SUCLG2: variants seen among roughly 807,000 people sequenced by gnomAD.
SUCLG2 encodes succinate-CoA ligase GDP-forming subunit beta.
In SUCLG2, 42 loss-of-function variants were observed where a neutral mutation model predicts 47.9. The ratio of observed to expected loss-of-function variants is 0.88; its 90% CI spans 0.69 to 1.14. The LOEUF is 1.14. Ranked by LOEUF, SUCLG2 falls within the 50% of genes most tolerant of loss-of-function variation. The pLI, the probability that SUCLG2 is intolerant of heterozygous loss-of-function variation, is 0.00. For synonymous variants in SUCLG2, 195 were observed against 197.3 expected, an observed-to-expected ratio of 0.99 and a Z score of 0.10; for missense variants, 571 against 525.9, an observed-to-expected ratio of 1.09 and a Z score of -0.84.
At chr3:67,460,974 A>C (rs1346419118) in intron 9 of SUCLG2, among the ~76,000 whole-genome samples, 1 of 152,104 alleles carries the variant, frequency 6.6e-6, no homozygotes, top group African/African-American at 2.4e-5. Flanking sequence ...TAATTTGTCT[A>C]ACGTCTCTGC....
At chr3:67,602,312 G>T (rs1175810871) in intron 2 of SUCLG2, among the ~76,000 whole-genome samples, 2 of 152,176 alleles carry the variant, frequency 1.3e-5, no homozygotes, top group Admixed American at 1.3e-4. Context: ...TGTTAAAATT[G>T]AAGTTAAGGC....
intron 2 of SUCLG2, among the ~76,000 whole-genome samples, chr3:67,561,161 C>T (rs899730573): frequency 6.6e-6 from 1 of 151,380 alleles, no homozygotes; most frequent in Non-Finnish European, 1.5e-5. Context: ...TTAGCTTTAT[C>T]TTATTCCCAG....
At chr3:67,544,622 G>C (rs970713283) in intron 2 of SUCLG2, among the ~76,000 whole-genome samples, 1 of 152,190 alleles carries the variant, frequency 6.6e-6, no homozygotes, top group Admixed American at 6.5e-5. Context: ...CAGCTATAAA[G>C]AGAAGAGTAC....
At chr3:67,370,932 A>C (rs1701944303), downstream of SUCLG2, among the ~76,000 whole-genome samples, 1 of 152,158 alleles carries the variant, frequency 6.6e-6, no homozygotes, top group African/African-American at 2.4e-5. Flanking sequence ...TTTTTAATAC[A>C]AGGTCCTTCA....
chr3:67,509,508 T>C (rs750410468), intron 6 of SUCLG2, among the ~76,000 whole-genome samples: 3 of 152,240 alleles, frequency 2.0e-5, no homozygotes, highest in Non-Finnish European at 4.4e-5. Flanking sequence ...TGCCCTGTTA[T>C]GCCCTGACTT....
chr3:67,573,279 G>A (rs907979335), intron 2 of SUCLG2, among the ~76,000 whole-genome samples: 4 of 152,056 alleles, frequency 2.6e-5, no homozygotes, highest in African/African-American at 9.7e-5. Flanking sequence ...CAAAACACCA[G>A]CAGGTTTACT....
intron 9 of SUCLG2, among the ~76,000 whole-genome samples, chr3:67,452,886 G>C (rs1348815663): frequency 6.6e-6 from 1 of 152,146 alleles, no homozygotes; most frequent in East Asian, 1.9e-4. Context: ...ACACATATAA[G>C]AATCTTCTAG....
chr3:67,646,016 C>T (rs1362132706), intron 1 of SUCLG2, among the ~76,000 whole-genome samples: 1 of 149,218 alleles, frequency 6.7e-6, no homozygotes, highest in Admixed American at 6.7e-5. Context: ...ATGCTGATCC[C>T]TACTTCTATT....
intron 7 of SUCLG2, among the ~76,000 whole-genome samples, chr3:67,504,953 G>A (rs549873474): frequency 9.9e-5 from 15 of 152,270 alleles, no homozygotes; most frequent in African/African-American, 2.2e-4. Context: ...GGAAAATAAC[G>A]ATTAATTTCT....
In SUCLG2 at chr3:67,375,224, C is replaced by A. The variant is rs778488203; in HGVS notation, c.*520G>T. On this transcript the variant is annotated 3_prime_UTR_variant, in exon 11 of 11. Transcript: ENST00000307227. The stretch of plus-strand genomic sequence containing the variant: ...TGTTAGAATTAGAAACCTGTAAAAT[C>A]TGCAGTAGTGTGTAATAGCTATTTG... 36 of 985,726 alleles carry A rather than the reference C, an allele frequency of 3.7e-5. No homozygotes were observed. The highest frequency in any genetic ancestry group is 4.1e-5 in the Non-Finnish European group (34 of 829,932). 61.1% of individuals were successfully genotyped at this position (985,726 alleles called of 1,614,324 possible).
chr3:67,500,398 G>C (rs904393541), intron 7 of SUCLG2, among the ~76,000 whole-genome samples: 1 of 152,184 alleles, frequency 6.6e-6, no homozygotes, highest in African/African-American at 2.4e-5. Flanking sequence ...ACTTAAAGTA[G>C]CACTGAGCGA....
At chr3:67,403,897 ATTTTTT>A (rs1335106408) in intron 9 of SUCLG2, among the ~76,000 whole-genome samples, 1 of 151,808 alleles carries the variant, frequency 6.6e-6, no homozygotes, top group Non-Finnish European at 1.5e-5. Flanking sequence ...TTATTTATTT[ATTTTTT>A]GAGACACGTT....
chr3:67,535,609 A>C (rs1706519589), intron 2 of SUCLG2, among the ~76,000 whole-genome samples: 1 of 152,152 alleles, frequency 6.6e-6, no homozygotes, highest in African/African-American at 2.4e-5. Flanking sequence ...AAATAAATGA[A>C]TTACCCATCC....
chr3:67,383,468 G>A (rs1172510435), intron 10 of SUCLG2, among the ~76,000 whole-genome samples: 1 of 152,148 alleles, frequency 6.6e-6, no homozygotes, highest in Non-Finnish European at 1.5e-5. Context: ...GATGACATAA[G>A]ATATTCTGTG....
In SUCLG2 at chr3:67,397,575, G is replaced by A. The variant is rs1425637775; in HGVS notation, c.1183+3156C>T. Among the ~76,000 whole-genome samples, 18 of 152,214 alleles carry A rather than the reference G, an allele frequency of 1.2e-4. 1 individual carries two copies. Among genetic ancestry groups the A allele is most frequent in the East Asian group, 5.8e-4 (3 of 5,178 alleles). ...CTCATGGATAGGAAGAATCAATATC[G>A]TGAAAATGGCCATACTGCCCAAGGT... On this transcript the variant is annotated intron_variant, in intron 10 of 10. Coordinates refer to ENST00000307227, the MANE Select transcript of SUCLG2 (RefSeq NM_003848.4).
In SUCLG2 at chr3:67,521,666, G is replaced by A. The variant is rs568587670; in HGVS notation, c.418-1032C>T. 5.3e-5 allele frequency among the ~76,000 whole-genome samples: 8 copies of A among 151,534 alleles called. 1 individual carries two copies. The highest frequency in any genetic ancestry group is 1.9e-4 in the African/African-American group (8 of 41,178). On this transcript the variant is annotated intron_variant, in intron 4 of 10. Transcript: ENST00000307227. ...CACTGAGGCTGTAGTGCAGTGGCAC[G>A]ATCTCAGCTCCCTACAACCTCTGCC...
intron 1 of SUCLG2, among the ~76,000 whole-genome samples, chr3:67,615,662 G>T (rs1700615107): frequency 1.4e-5 from 2 of 140,868 alleles, no homozygotes; most frequent in African/African-American, 5.6e-5. Flanking sequence ...GAGATCTGAT[G>T]CTATTGTTGT....
chr3:67,599,789 G>A lies in SUCLG2; in HGVS notation c.226+9666C>T, dbSNP rs376863412. Among the ~76,000 whole-genome samples the A allele has an allele frequency of 2.1e-4, 32 of 150,746 alleles. 1 individual carries two copies. The South Asian group carries it at 5.2e-3, about 25-fold the overall frequency. ...GAGAAATAGACTCCCAAATCTCTTAGCTTGTTCGATGTTGAATGAAAGAAA... is the reference window on the plus strand; with the variant it reads ...GAGAAATAGACTCCCAAATCTCTTAACTTGTTCGATGTTGAATGAAAGAAA... On this transcript the variant is annotated intron_variant, in intron 2 of 10. Coordinates refer to ENST00000307227, the MANE Select transcript of SUCLG2 (RefSeq NM_003848.4).
intron 9 of SUCLG2, among the ~76,000 whole-genome samples, chr3:67,403,225 T>G: frequency 6.6e-6 from 1 of 152,234 alleles, no homozygotes; most frequent in East Asian, 1.9e-4. Flanking sequence ...TTAGACTTAC[T>G]GAGAAATGAA....
Sources: gnomAD v4.1 joint callset for allele counts (sites outside exome capture counted in the v4.1 genomes callset) on GRCh38, gnomAD v4.1.1 for gene constraint, MANE v1.5 for transcripts, NCBI Gene and HGNC (gene_info 2026-07-23, HGNC 2026-07-21) for gene names.